The following TRIM5 variants were observed in gnomAD, a reference collection of about 807,000 sequenced individuals.
The protein encoded by TRIM5 is tripartite motif containing 5.
Under a neutral mutation model 35.6 loss-of-function variants are expected in TRIM5, and 31 were observed. The ratio of observed to expected loss-of-function variants is 0.87; its 90% CI spans 0.65 to 1.18. The LOEUF (loss-of-function observed/expected upper bound fraction) is 1.18. Among genes scored for constraint, TRIM5 ranks in the 50% most tolerant of loss-of-function variants. The pLI, the probability that TRIM5 is intolerant of heterozygous loss-of-function variation, is 0.00. For synonymous variants in TRIM5, 243 were observed against 215.6 expected (o/e 1.13, Z -1.11); for missense variants, 609 against 591.6 (o/e 1.03, Z -0.31).
chr11:5,648,055 G>C, the TRIM5 span, among the ~76,000 whole-genome samples: 90 of 152,192 alleles, frequency 5.9e-4, no homozygotes, highest in Admixed American at 4.1e-3. Flanking sequence ...TAAATTTCCT[G>C]TCCTGGGAGA....
At chr11:5,626,226 C>T in the TRIM5 span, among the ~76,000 whole-genome samples, 2 of 152,156 alleles carry the variant, frequency 1.3e-5, no homozygotes, top group Admixed American at 1.3e-4. Context: ...AATGTAAAAA[C>T]GTGCAATTAG....
chr11:5,609,582 T>C, the TRIM5 span, among the ~76,000 whole-genome samples: 2 of 152,314 alleles, frequency 1.3e-5, no homozygotes, highest in South Asian at 2.1e-4. Context: ...AGGAAAATTA[T>C]AGTATTTTCT....
At chr11:5,646,213 T>C in the TRIM5 span, among the ~76,000 whole-genome samples, 1 of 151,952 alleles carries the variant, frequency 6.6e-6, no homozygotes, top group Non-Finnish European at 1.5e-5. Context: ...TTTGGAAATA[T>C]CATTTTACCA....
In TRIM5 at chr11:5,666,090, TAAAAAAAA is replaced by T; in HGVS notation, c.768-17_768-10del. 7.2e-7 allele frequency: 1 copy of T among 1,381,984 alleles called. No homozygotes were observed. The highest frequency in any genetic ancestry group is 9.7e-7 in the Non-Finnish European group (1 of 1,026,796). 85.6% of individuals were successfully genotyped at this position (1,381,984 alleles called of 1,614,324 possible). A position where few individuals can be genotyped will look rare whatever the true frequency, so the allele number is the denominator to read the frequency against. ...AGGTCACGTTCTCCGTCCTAAGAATTAAAAAAAAAAAAAAAAACTTCCAAACCTTTGAC... is the reference window on the plus strand; with the variant it reads ...AGGTCACGTTCTCCGTCCTAAGAATTAAAAAAAAACTTCCAAACCTTTGAC... On this transcript the variant is annotated splice_polypyrimidine_tract_variant and intron_variant, in intron 5 of 7. Coordinates refer to ENST00000380034, the MANE Select transcript of TRIM5 (RefSeq NM_033034.3).
the TRIM5 span, among the ~76,000 whole-genome samples, chr11:5,598,949 G>T: frequency 6.6e-6 from 1 of 152,002 alleles, no homozygotes; most frequent in Non-Finnish European, 1.5e-5. Context: ...ATTTCCTTAT[G>T]CCCTTTGCAG....
At position 5,678,423 on chromosome 11, in the gene TRIM5, C is replaced by G. The variant is rs1274299858; in HGVS notation, c.525G>C (p.Gln175His). 2.5e-6 allele frequency: 4 copies of G among 1,572,490 alleles called. No individual in the cohort carries two copies. In the African/African-American group the frequency reaches 5.4e-5, roughly 21 times the overall value. ...EEKASWKTQI[Q>H]YDKTNVLADF... ...CTGCCAAGACGTTGGTTTTGTCATA[C>G]TGTATTTGAGTCTTCAGAGATAAGA... The change falls in exon 4 of 8, where the codon CAG (glutamine) becomes CAC (histidine). Residue 175 changes from glutamine to histidine, a missense_variant. Physicochemically the swap from Gln to His is conservative, Grantham distance 24. Transcript: ENST00000380034.
At position 5,680,125 on chromosome 11, in the gene TRIM5, C is replaced by G; in HGVS notation, c.53G>C (p.Cys18Ser). Residue 18 changes from cysteine to serine, a missense_variant, in exon 2 of 8, where the codon TGC (cysteine) becomes TCC (serine). By Grantham distance (112) the Cys-to-Ser change is moderately radical (BLOSUM62 -1). Transcript: ENST00000380034. ...CAGGGGTTGTGTCAGGAGTTCCAGG[C>G]AGATGGGGCAGGTCACCTCCTCCTT... ...NVKEEVTCPI[C>S]LELLTQPLSL... 1 of 1,613,818 alleles carries G rather than the reference C, an allele frequency of 6.2e-7. No homozygotes were observed. The highest frequency in any genetic ancestry group is 1.1e-5 in the South Asian group (1 of 91,044).
chr11:5,681,700 T>TCATG (rs1441568715), intron 1 of TRIM5, among the ~76,000 whole-genome samples: 1 of 127,904 alleles, frequency 7.8e-6, no homozygotes, highest in Non-Finnish European at 1.6e-5. Context: ...CGTTATCTTG[T>TCATG]CATGCTTCAA....
chr11:5,684,475 T>G (rs1218136182), intron 1 of TRIM5, among the ~76,000 whole-genome samples: 1 of 152,196 alleles, frequency 6.6e-6, no homozygotes, highest in Non-Finnish European at 1.5e-5. Flanking sequence ...TGAAGGCTGA[T>G]GTCACAGAGC....
At chr11:5,594,111 G>A in the TRIM5 span, among the ~76,000 whole-genome samples, 1 of 152,116 alleles carries the variant, frequency 6.6e-6, no homozygotes, top group Non-Finnish European at 1.5e-5. Context: ...GGATTTGATG[G>A]ATTATGTGGT....
At chr11:5,602,927 C>T in the TRIM5 span, among the ~76,000 whole-genome samples, 1 of 152,098 alleles carries the variant, frequency 6.6e-6, no homozygotes, top group African/African-American at 2.4e-5. Flanking sequence ...GCATTCCAGC[C>T]TGGGTGACAG....
the TRIM5 span, chr11:5,643,126 T>TATATATAGA: frequency 3.7e-3 from 4,095 of 1,115,972 alleles, 70 homozygotes; most frequent in Non-Finnish European, 3.4e-3. Flanking sequence ...TATATATATA[T>TATATATAGA]TTTTTTTTTT....
At chr11:5,614,363 T>G in the TRIM5 span, among the ~76,000 whole-genome samples, 4 of 152,158 alleles carry the variant, frequency 2.6e-5, no homozygotes, top group Non-Finnish European at 5.9e-5. Context: ...TGAAGAAAAC[T>G]TAGGGGAGAA....
chr11:5,622,872 C>T, the TRIM5 span, among the ~76,000 whole-genome samples: 2,043 of 152,302 alleles, frequency 0.013, 34 homozygotes, highest in Non-Finnish European at 0.02. Flanking sequence ...GAGGTCCTGA[C>T]AACATGTACC....
chr11:5,633,445 A>G, the TRIM5 span, among the ~76,000 whole-genome samples: 1 of 152,170 alleles, frequency 6.6e-6, no homozygotes, highest in Non-Finnish European at 1.5e-5. Context: ...TAAGTGATAA[A>G]TTCCTTCCCA....
At chr11:5,636,797 G>A in the TRIM5 span, among the ~76,000 whole-genome samples, 1 of 152,100 alleles carries the variant, frequency 6.6e-6, no homozygotes, top group African/African-American at 2.4e-5. Flanking sequence ...GAAAACTTAG[G>A]AACTTATTCT....
chr11:5,653,475 C>CG, the TRIM5 span, among the ~76,000 whole-genome samples: 64 of 149,434 alleles, frequency 4.3e-4, no homozygotes, highest in African/African-American at 5.9e-4. Context: ...CTGTTTTTTC[C>CG]GATTTTTTTT....
At chr11:5,642,540 GA>G in the TRIM5 span, 92 of 1,609,012 alleles carry the variant, frequency 5.7e-5, no homozygotes, top group Non-Finnish European at 7.3e-5. Flanking sequence ...GTGGATGTGG[GA>G]TTGTTGTGGT....
chr11:5,644,916 C>T, the TRIM5 span, among the ~76,000 whole-genome samples: 1 of 152,148 alleles, frequency 6.6e-6, no homozygotes, highest in African/African-American at 2.4e-5. Flanking sequence ...TACATTCTTG[C>T]TGTGAGTTCT....
Sources: allele counts gnomAD v4.1 joint callset (sites outside exome capture counted in the v4.1 genomes callset), GRCh38; gene constraint gnomAD v4.1.1; transcripts MANE v1.5; gene names NCBI Gene and HGNC (gene_info 2026-07-23, HGNC 2026-07-21).